The following FANCD2 variants were observed in gnomAD, a reference collection of about 807,000 sequenced individuals.
FANCD2 encodes Fanconi anemia group D2 protein.
Under a neutral mutation model 192.3 loss-of-function variants are expected in FANCD2, and 131 were observed. That is an observed-to-expected ratio of 0.68 (90% confidence interval 0.59 to 0.79). FANCD2 has a LOEUF of 0.79. Ranked by LOEUF, FANCD2 falls within the 30% of genes least tolerant of loss-of-function variation. The pLI, the probability that FANCD2 is intolerant of heterozygous loss-of-function variation, is 0.00. For synonymous variants in FANCD2, 524 were observed against 612.5 expected (o/e 0.86, Z 2.13); for missense variants, 1,508 against 1,701.6 (o/e 0.89, Z 2.00).
Position 10,065,889 on chromosome 3 carries a change from G to A in FANCD2, c.2295G>A (p.Leu765=), listed in dbSNP as rs559267404. ...LLDCPIFLTD[L]EPGEKLESMS... is the part of the protein sequence containing the mutation. ...ATTGTCCTATATTCCTAACTGACCTGGAGCCTGGAGAGAAGTTGGAGTCCA... is the reference window on the plus strand; with the variant it reads ...ATTGTCCTATATTCCTAACTGACCTAGAGCCTGGAGAGAAGTTGGAGTCCA... The change falls in exon 25 of 44, where the codon CTG becomes CTA. Residue 765 remains leucine, a synonymous_variant. Coordinates refer to ENST00000675286, the MANE Select transcript of FANCD2 (RefSeq NM_001018115.3). 9 of 1,612,570 alleles carry A rather than the reference G, an allele frequency of 5.6e-6. No individual in the cohort carries two copies. In the South Asian group the frequency reaches 8.8e-5, roughly 16 times the overall value.
chr3:10,040,441 T>A (rs2086837651), intron 9 of FANCD2: 1 of 454,174 alleles, frequency 2.2e-6, no homozygotes, highest in Non-Finnish European at 4.4e-6. Context: ...ATCCCTTAAG[T>A]TTCATTAACT....
In FANCD2 at chr3:10,049,426, T is replaced by G; in HGVS notation, c.1466T>G (p.Val489Gly). ...ATCTGCAGTGGGAATGAAGCTGAAG[T>G]TGATACTGCCTTAGATGTCCTTCTA... ...THICSGNEAEVDTALDVLLEL... is the reference protein window; with the variant it reads ...THICSGNEAEGDTALDVLLEL... The change falls in exon 17 of 44, where the codon GTT (valine) becomes GGT (glycine). Residue 489 changes from valine (V) to glycine (G), a missense_variant. Around this residue, in one of 5 missense-constraint regions of FANCD2, gnomAD observed 108 missense variants for 174.1 expected, o/e 0.62. Transcript: ENST00000675286. The G allele has an allele frequency of 6.2e-7, 1 of 1,612,166 alleles. No individual in the cohort carries two copies. The highest frequency in any genetic ancestry group is 8.5e-7 in the Non-Finnish European group (1 of 1,178,988).
intron 19 of FANCD2, among the ~76,000 whole-genome samples, chr3:10,060,657 T>C (rs1157753803): frequency 1.3e-5 from 2 of 152,226 alleles, no homozygotes; most frequent in African/African-American, 4.8e-5. Flanking sequence ...ATTCTAGAAA[T>C]CTTTGCACAA....
intron 9 of FANCD2, chr3:10,040,145 C>T (rs1210657731): frequency 5.0e-6 from 2 of 402,440 alleles, no homozygotes; most frequent in Non-Finnish European, 9.0e-6. Context: ...CCCCATTCTC[C>T]TGCCTCAGCC....
chr3:10,065,966 A>C lies in FANCD2; in HGVS notation c.2372A>C (p.Asn791Thr), dbSNP rs758718558. 1 of 1,604,192 alleles carries C rather than the reference A, an allele frequency of 6.2e-7. No homozygotes were observed. Among genetic ancestry groups the C allele is most frequent in the Non-Finnish European group, 8.5e-7 (1 of 1,171,056 alleles). ...FMCSLIFLTLNWFREIVNAFC... is the reference protein window; with the variant it reads ...FMCSLIFLTLTWFREIVNAFC... ...TGTTCTCTCATATTTCTTACTCTCA[A>C]CTGGTTCCGAGAGGTGAGCAGAGTT... Residue 791 changes from asparagine (N) to threonine (T), a missense_variant, in exon 25 of 44, where the codon AAC (asparagine) becomes ACC (threonine). Coordinates refer to ENST00000675286, the MANE Select transcript of FANCD2 (RefSeq NM_001018115.3).
chr3:10,071,381 A>G (rs1269088835), intron 26 of FANCD2, among the ~76,000 whole-genome samples: 1 of 152,200 alleles, frequency 6.6e-6, no homozygotes, highest in African/African-American at 2.4e-5. Context: ...CCAAGGAGAT[A>G]TCTGCACTCC....
intron 30 of FANCD2, 60 bp from the exon 31 acceptor site, chr3:10,081,040 C>T: frequency 6.2e-7 from 1 of 1,606,538 alleles, no homozygotes; most frequent in Admixed American, 1.7e-5. Context: ...CATTGCGAAC[C>T]CTTAGTTTCT....
chr3:10,078,300 C>G, intron 30 of FANCD2, 103 bp downstream of exon 30: 2 of 783,262 alleles, frequency 2.6e-6, no homozygotes, highest in Non-Finnish European at 4.7e-6. Flanking sequence ...GTGTTTGGGT[C>G]ACTGGGTAGC....
intron 14 of FANCD2, among the ~76,000 whole-genome samples, chr3:10,045,238 G>A (rs2086971406): frequency 6.6e-6 from 1 of 151,774 alleles, no homozygotes; most frequent in African/African-American, 2.4e-5. Flanking sequence ...GCGTGATCTC[G>A]GCTCACTGCA....
chr3:10,038,579 C>CTTTTTTTTT (rs573306335), intron 7 of FANCD2, among the ~76,000 whole-genome samples: 6 of 128,958 alleles, frequency 4.7e-5, no homozygotes, highest in African/African-American at 1.5e-4. Context: ...TATATGCTTG[C>CTTTTTTTTT]TTTTTTTTTT....
chr3:10,053,279 C>CA (rs1275183301), intron 18 of FANCD2, among the ~76,000 whole-genome samples: 1 of 148,288 alleles, frequency 6.7e-6, no homozygotes, highest in African/African-American at 2.5e-5. Context: ...ATCGCAAGAA[C>CA]AAAAAACCGC....
Position 10,085,903 on chromosome 3 carries a change from C to T in FANCD2, c.3316C>T (p.Pro1106Ser). Residue 1106 changes from proline (P) to serine (S), a missense_variant, in exon 33 of 44, where the codon CCT becomes TCT. By Grantham distance (74) the Pro-to-Ser change is moderately conservative (BLOSUM62 -1). Coordinates refer to ENST00000675286, the MANE Select transcript of FANCD2 (RefSeq NM_001018115.3). The part of the protein sequence containing the change: ...SRLKQGEHSQ[P>S]LEELLSQSVH... ...ACTGAAACAGGGAGAACACAGCCAGCCTTTGGAGGAACTACTCAGGTGAGT... is the reference window on the plus strand; with the variant it reads ...ACTGAAACAGGGAGAACACAGCCAGTCTTTGGAGGAACTACTCAGGTGAGT... 1 of 1,611,556 alleles carries T rather than the reference C, an allele frequency of 6.2e-7. No individual in the cohort carries two copies. Among genetic ancestry groups the T allele is most frequent in the Non-Finnish European group, 8.5e-7 (1 of 1,177,806 alleles).
At chr3:10,056,686 C>G (rs1429118883) in intron 18 of FANCD2, among the ~76,000 whole-genome samples, 1 of 152,104 alleles carries the variant, frequency 6.6e-6, no homozygotes, top group South Asian at 2.1e-4. Flanking sequence ...TACCTGCCAC[C>G]TCCCCAGGCC....
At chr3:10,053,682 A>G (rs2087289078) in intron 18 of FANCD2, among the ~76,000 whole-genome samples, 1 of 151,562 alleles carries the variant, frequency 6.6e-6, no homozygotes, top group Non-Finnish European at 1.5e-5. Flanking sequence ...AATGGAGTAC[A>G]TAGCCATAGT....
rs752763591 is a variant in FANCD2 at position 10,074,687 on chromosome 3, T to G, written c.2859+14T>G. The G allele has an allele frequency of 8.7e-6, 14 of 1,612,716 alleles. No homozygotes were observed. The highest frequency in any genetic ancestry group is 1.3e-5 in the African/African-American group (1 of 74,900). ...ATGCACACTGAAGTAAGTGACAGGC[T>G]AGGATCTCAGAATTTAATCTTCTTT... On this transcript the variant is annotated intron_variant, in intron 29 of 43. Coordinates refer to ENST00000675286, the MANE Select transcript of FANCD2 (RefSeq NM_001018115.3).
intron 26 of FANCD2, among the ~76,000 whole-genome samples, chr3:10,072,468 A>G (rs867336230): frequency 6.6e-6 from 1 of 151,660 alleles, no homozygotes; most frequent in South Asian, 2.1e-4. Flanking sequence ...TGGTAGAGAT[A>G]GGGTTTCACC....
At chr3:10,068,803 T>C (rs1416929082) in intron 26 of FANCD2, among the ~76,000 whole-genome samples, 1 of 152,028 alleles carries the variant, frequency 6.6e-6, no homozygotes. Flanking sequence ...CAGATGCATA[T>C]ACCAATGGAA....
At chr3:10,035,390 G>A (rs957920023) in intron 6 of FANCD2, among the ~76,000 whole-genome samples, 157 bp downstream of exon 6, 3 of 152,140 alleles carry the variant, frequency 2.0e-5, no homozygotes, top group African/African-American at 7.2e-5. Context: ...GGGTTTGGTA[G>A]GGTAATGTCT....
chr3:10,099,220 C>T lies in FANCD2; in HGVS notation c.4281+405C>T, dbSNP rs923407674. The T allele has an allele frequency of 2.2e-6, 3 of 1,351,300 alleles. No individual in the cohort carries two copies. In the Admixed American group the frequency reaches 9.5e-5, roughly 43 times the overall value. The allele number at this position is 1,351,300 out of a possible 1,614,324, so 83.7% of individuals were successfully genotyped here. A position where few individuals can be genotyped will look rare whatever the true frequency, so the allele number is the denominator to read the frequency against. Reference sequence around the variant, plus strand: ...GAAATGTGAAAGCATTTGGTGAAAGCCAAAGCACAGAGTCAGAAGCTGCCA... The same window carrying T: ...GAAATGTGAAAGCATTTGGTGAAAGTCAAAGCACAGAGTCAGAAGCTGCCA... On this transcript the variant is annotated intron_variant, in intron 43 of 43. Coordinates refer to ENST00000675286, the MANE Select transcript of FANCD2 (RefSeq NM_001018115.3).
Sources: gnomAD v4.1 joint callset for allele counts (sites outside exome capture counted in the v4.1 genomes callset) on GRCh38, gnomAD v4.1.1 for gene constraint, gnomAD v4.1.1 regional missense constraint, MANE v1.5 for transcripts, NCBI Gene and HGNC (gene_info 2026-07-23, HGNC 2026-07-21) for gene names.